The following SPAG5 variants were observed in gnomAD, a reference collection of about 807,000 sequenced individuals.
The protein encoded by SPAG5 is sperm associated antigen 5, also known as sperm-associated antigen 5.
A neutral mutation model predicts 145.4 loss-of-function variants in SPAG5; 99 were observed. The observed-to-expected ratio is 0.68, with a 90% CI of 0.58 to 0.80. The LOEUF is 0.80. Ranked by LOEUF, SPAG5 falls within the 30% of genes least tolerant of loss-of-function variation. The pLI is 0.00. For missense variants in SPAG5, 1,192 were observed against 1,416.0 expected, an observed-to-expected ratio of 0.84 and a Z score of 2.54; for synonymous variants, 477 against 525.4, an observed-to-expected ratio of 0.91 and a Z score of 1.26.
chr17:28,581,738 T>C (rs1192757823), intron 15 of SPAG5, among the ~76,000 whole-genome samples: 1 of 152,154 alleles, frequency 6.6e-6, no homozygotes, highest in Non-Finnish European at 1.5e-5. Context: ...CTAGCTCCCC[T>C]CAGTCTCATC....
chr17:28,589,074 A>G (rs2070603847), intron 4 of SPAG5, among the ~76,000 whole-genome samples: 1 of 152,088 alleles, frequency 6.6e-6, no homozygotes, highest in Non-Finnish European at 1.5e-5. Flanking sequence ...AATGTCCAGC[A>G]TATTACCAAT....
intron 1 of SPAG5, 129 bp downstream of exon 1, chr17:28,598,767 C>A (rs2070687805): frequency 6.6e-7 from 1 of 1,513,302 alleles, no homozygotes; most frequent in Non-Finnish European, 9.1e-7. Context: ...GCAGGAGCAG[C>A]AAGGCGAACA....
chr17:28,577,632 T>C lies in SPAG5; in HGVS notation c.*67A>G. On this transcript the variant is annotated 3_prime_UTR_variant, in exon 24 of 24. Coordinates refer to ENST00000321765, the MANE Select transcript of SPAG5 (RefSeq NM_006461.4). ...TCTCAGTTGGCTCTATGCCAGTTGG[T>C]CTTGGTATTGGGGTAAGGGGGTATT... 1 of 1,059,290 alleles carries C rather than the reference T, an allele frequency of 9.4e-7. No individual in the cohort carries two copies. The allele number at this position is 1,059,290 out of a possible 1,614,324, so 65.6% of individuals were successfully genotyped here.
chr17:28,579,677 T>C (rs761708191), intron 17 of SPAG5, 74 bp downstream of exon 17: 140 of 1,462,526 alleles, frequency 9.6e-5, no homozygotes, highest in Non-Finnish European at 1.3e-4. Context: ...AAAGCACTTC[T>C]CACTGCTTTC....
At chr17:28,598,119 G>A (rs749705870) in intron 2 of SPAG5, among the ~76,000 whole-genome samples, 3 of 152,318 alleles carry the variant, frequency 2.0e-5, no homozygotes, top group Non-Finnish European at 4.4e-5. Flanking sequence ...CCTTCCAGTG[G>A]TGTAACTTGA....
In SPAG5 at chr17:28,598,943, A is replaced by T. The variant is rs1187544726; in HGVS notation, c.4T>A (p.Trp2Arg). The T allele has an allele frequency of 8.7e-6, 14 of 1,613,968 alleles. No homozygotes were observed. Among genetic ancestry groups the T allele is most frequent in the Non-Finnish European group, 1.2e-5 (14 of 1,179,952 alleles). M[W>R]RVKKLSLSLS... ...CTGAGGCTCAGTTTTTTCACTCGCC[A>T]CATCTTCAACCAGAAGGCAGGCCTA... Residue 2 changes from tryptophan (W) to arginine (R), a missense_variant, in exon 1 of 24, where the codon TGG (tryptophan) becomes AGG (arginine). Coordinates refer to ENST00000321765, the MANE Select transcript of SPAG5 (RefSeq NM_006461.4).
At chr17:28,595,414 T>A (rs947955785) in intron 2 of SPAG5, among the ~76,000 whole-genome samples, 6 of 152,160 alleles carry the variant, frequency 3.9e-5, no homozygotes, top group Non-Finnish European at 7.3e-5. Context: ...ATTTATATAT[T>A]CAAATGCTTC....
In SPAG5 at chr17:28,577,626, A is replaced by C. The variant is rs1278277516; in HGVS notation, c.*73T>G. On this transcript the variant is annotated 3_prime_UTR_variant, in exon 24 of 24. Transcript: ENST00000321765. ...CATTTATCTCAGTTGGCTCTATGCC[A>C]GTTGGTCTTGGTATTGGGGTAAGGG... The C allele has an allele frequency of 2.5e-5, 24 of 974,562 alleles. No homozygotes were observed. The highest frequency in any genetic ancestry group is 3.3e-5 in the Non-Finnish European group (20 of 597,736). 60.4% of individuals were successfully genotyped at this position (974,562 alleles called of 1,614,324 possible). A position where few individuals can be genotyped will look rare whatever the true frequency, so the allele number is the denominator to read the frequency against.
intron 2 of SPAG5, among the ~76,000 whole-genome samples, chr17:28,595,960 T>C (rs1490998602): frequency 1.3e-5 from 2 of 152,010 alleles, no homozygotes; most frequent in African/African-American, 2.4e-5. Context: ...GGCAAGAGAA[T>C]TGCATGAACC....
At chr17:28,593,473 G>C (rs2070639067) in intron 2 of SPAG5, among the ~76,000 whole-genome samples, 1 of 151,370 alleles carries the variant, frequency 6.6e-6, no homozygotes, top group South Asian at 2.1e-4. Flanking sequence ...CTCTCGGCTG[G>C]GCGCAGTGGC....
intron 4 of SPAG5, among the ~76,000 whole-genome samples, chr17:28,589,336 T>C (rs2070605821): frequency 6.6e-6 from 1 of 152,086 alleles, no homozygotes; most frequent in South Asian, 2.1e-4. Context: ...TGACCTCAGG[T>C]GATCCTCCCG....
Position 28,592,743 on chromosome 17 carries a change from G to A in SPAG5, c.501C>T (p.Asp167=), listed in dbSNP as rs769657625. The change falls in exon 3 of 24, where the codon GAC becomes GAT. Residue 167 remains aspartate (D), a synonymous_variant. Transcript: ENST00000321765. ...SISLNGPLRT[D]DLVREEVAPC... ...GTGCCACCTCCTCTCTCACCAGATC[G>A]TCTGTTCTCAAAGGTCCATTTAAAG... 2.5e-5 allele frequency: 41 copies of A among 1,614,052 alleles called. No individual in the cohort carries two copies. The East Asian group carries it at 2.9e-4, about 11-fold the overall frequency.
rs774200267 is a variant in SPAG5 at position 28,578,071 on chromosome 17, T to C, written c.3449A>G (p.Asn1150Ser). The change falls in exon 23 of 24, where the codon AAC becomes AGC. Residue 1150 changes from asparagine (N) to serine (S), a missense_variant. Asn to Ser is a conservative substitution (Grantham distance 46, BLOSUM62 1). This residue lies in a region of SPAG5 where 709 missense variants were observed against 840.7 expected (regional missense o/e 0.84). Transcript: ENST00000321765. ...FQSHRNILEE[N>S]LRRSDKELEK... is the part of the protein sequence containing the mutation. ...TAACTCCTTGTCAGAGCGCCGAAGG[T>C]TCTCCTCTAGGATATTTCTCTAGAA... is the stretch of plus-strand genomic sequence containing the variant. 3.3e-5 allele frequency: 53 copies of C among 1,614,014 alleles called. No homozygotes were observed. Among genetic ancestry groups the C allele is most frequent in the Non-Finnish European group, 4.4e-5 (52 of 1,179,974 alleles).
At chr17:28,586,207 G>A in intron 5 of SPAG5, 25 bp from the exon 6 acceptor site, 1 of 1,584,162 alleles carries the variant, frequency 6.3e-7, no homozygotes, top group Non-Finnish European at 8.7e-7. Context: ...ATGGGTAGGT[G>A]AGATCAAATA....
chr17:28,592,904 T>G lies in SPAG5; in HGVS notation c.340A>C (p.Thr114Pro), dbSNP rs752630795. The G allele has an allele frequency of 1.2e-6, 2 of 1,614,110 alleles. No homozygotes were observed. The highest frequency in any genetic ancestry group is 1.7e-6 in the Non-Finnish European group (2 of 1,179,998). ...PIPQISSTPK[T>P]SEEAVDPLGN... ...AGTGGGTCTACTGCTTCCTCAGACG[T>G]TTTAGGAGTAGAGCTAATTTGGGGA... The change falls in exon 3 of 24, where the codon ACG becomes CCG. Residue 114 changes from threonine to proline, a missense_variant. Around this residue, in one of 5 missense-constraint regions of SPAG5, gnomAD observed 329 missense variants for 354.0 expected, o/e 0.93. Coordinates refer to ENST00000321765, the MANE Select transcript of SPAG5 (RefSeq NM_006461.4).
At chr17:28,597,527 C>T (rs575106267) in intron 2 of SPAG5, among the ~76,000 whole-genome samples, 11 of 152,326 alleles carry the variant, frequency 7.2e-5, no homozygotes, top group Admixed American at 3.3e-4. Context: ...AAATATTTCC[C>T]TCATCCCAGA....
chr17:28,594,951 C>A (rs1158438974), intron 2 of SPAG5, among the ~76,000 whole-genome samples: 4 of 151,308 alleles, frequency 2.6e-5, no homozygotes, highest in Admixed American at 6.6e-5. Flanking sequence ...CAGAGCAAGA[C>A]CCTGTCTCAA....
At chr17:28,581,455 A>G (rs552886955) in intron 15 of SPAG5, among the ~76,000 whole-genome samples, 2 of 150,388 alleles carry the variant, frequency 1.3e-5, no homozygotes, top group South Asian at 2.1e-4. Flanking sequence ...ACCCTTTCCT[A>G]ACATCTTTGC....
At chr17:28,578,567 G>C in intron 20 of SPAG5, 39 bp from the exon 21 acceptor site, 19 of 1,609,398 alleles carry the variant, frequency 1.2e-5, no homozygotes, top group Non-Finnish European at 1.6e-5. Flanking sequence ...TAGGACATAA[G>C]GATAGACAAC....
Sources: gnomAD v4.1 joint callset for allele counts (sites outside exome capture counted in the v4.1 genomes callset) on GRCh38, gnomAD v4.1.1 for gene constraint, gnomAD v4.1.1 regional missense constraint, MANE v1.5 for transcripts, NCBI Gene and HGNC (gene_info 2026-07-23, HGNC 2026-07-21) for gene names.